RYR2: variants seen among roughly 807,000 people sequenced by gnomAD.
RYR2 encodes ryanodine receptor 2, also known as cardiac muscle ryanodine receptor-calcium release channel.
A neutral mutation model predicts 601.1 loss-of-function variants in RYR2; 227 were observed. The ratio of observed to expected loss-of-function variants is 0.38; its 90% CI spans 0.34 to 0.42. RYR2 has a LOEUF of 0.42. RYR2 is among the 10% of genes least tolerant of loss of function. The pLI, the probability that RYR2 is intolerant of heterozygous loss-of-function variation, is 1.00. For missense variants in RYR2, 4,646 were observed against 6,156.5 expected, an observed-to-expected ratio of 0.75 and a Z score of 8.21; for synonymous variants, 2,223 against 2,175.1, an observed-to-expected ratio of 1.02 and a Z score of -0.61.
chr1:237,233,475 A>T (rs1389747939), intron 1 of RYR2, among the ~76,000 whole-genome samples: 1 of 151,882 alleles, frequency 6.6e-6, no homozygotes, highest in East Asian at 1.9e-4. Flanking sequence ...TCTTGATCTT[A>T]TCCAGCAATT....
At chr1:237,762,998 C>T (rs943431010) in intron 84 of RYR2, among the ~76,000 whole-genome samples, 7 of 152,050 alleles carry the variant, frequency 4.6e-5, no homozygotes, top group African/African-American at 7.2e-5. Flanking sequence ...TGACAATTTC[C>T]GTGCATTCTT....
At chr1:237,069,716 C>G (rs1055906985) in intron 1 of RYR2, among the ~76,000 whole-genome samples, 1 of 152,084 alleles carries the variant, frequency 6.6e-6, no homozygotes, top group Non-Finnish European at 1.5e-5. Flanking sequence ...TGGTGTCAGG[C>G]AAGAGTTTAG....
intron 2 of RYR2, among the ~76,000 whole-genome samples, chr1:237,320,852 C>A (rs1695557463): frequency 6.6e-6 from 1 of 152,160 alleles, no homozygotes; most frequent in Non-Finnish European, 1.5e-5. Flanking sequence ...TGTGAGGCTA[C>A]CAGCTTCTAA....
intron 25 of RYR2, among the ~76,000 whole-genome samples, chr1:237,536,686 G>A (rs1668653668): frequency 7.9e-6 from 1 of 127,152 alleles, no homozygotes; most frequent in Non-Finnish European, 1.6e-5. Context: ...CTGCACTCCA[G>A]CCCGGACGAC....
chr1:237,600,343 A>G (rs763734078), intron 34 of RYR2, among the ~76,000 whole-genome samples: 2 of 152,236 alleles, frequency 1.3e-5, no homozygotes. Flanking sequence ...AAGAACACAC[A>G]TTGGGGAAAG....
intron 1 of RYR2, among the ~76,000 whole-genome samples, chr1:237,205,803 C>G (rs1681747848): frequency 1.3e-5 from 2 of 152,226 alleles, no homozygotes; most frequent in South Asian, 4.1e-4. Context: ...CCCCACTCTT[C>G]CTGCACTGGG....
intron 30 of RYR2, among the ~76,000 whole-genome samples, 166 bp downstream of exon 30, chr1:237,590,167 A>G (rs1423892985): frequency 6.6e-6 from 1 of 152,010 alleles, no homozygotes; most frequent in Non-Finnish European, 1.5e-5. Context: ...TCTACCAGCT[A>G]TCAGTGGATG....
At position 237,732,293 on chromosome 1, in the gene RYR2, G is replaced by C. The variant is rs115924789; in HGVS notation, c.11039+144G>C. 2.8e-3 allele frequency: 1,334 copies of C among 483,620 alleles called. 21 individuals are homozygous for C. Among genetic ancestry groups the C allele is most frequent in the African/African-American group, 0.024 (1,196 of 50,750 alleles). 30.0% of individuals were successfully genotyped at this position (483,620 alleles called of 1,614,324 possible). ...TTGTTCAAAGATAACAACCAGCCTG[G>C]CATGTACCTAGGGACCGACACTCAT... On this transcript the variant is annotated intron_variant, in intron 78 of 104. Transcript: ENST00000366574.
chr1:237,636,795 T>C (rs1680920604), intron 44 of RYR2, among the ~76,000 whole-genome samples: 1 of 152,244 alleles, frequency 6.6e-6, no homozygotes, highest in Admixed American at 6.5e-5. Context: ...CGACCATCAA[T>C]GTATTAGTTG....
chr1:237,183,039 G>T (rs960361695), intron 1 of RYR2, among the ~76,000 whole-genome samples: 2 of 152,112 alleles, frequency 1.3e-5, no homozygotes, highest in African/African-American at 4.8e-5. Context: ...TAGTTGGTTT[G>T]GTGATGAGTC....
intron 1 of RYR2, among the ~76,000 whole-genome samples, chr1:237,222,421 A>AG (rs1683920700): frequency 6.6e-6 from 1 of 152,002 alleles, no homozygotes; most frequent in African/African-American, 2.4e-5. Context: ...TCAAAAAAAA[A>AG]AAAAGGAAGC....
In RYR2 at chr1:237,055,271, T is replaced by C. The variant is rs564448419; in HGVS notation, c.48+12702T>C. ...CCCTGAGACCAGGGTCAGGGATTTGTTCTTAATTCATAAGGTAAAAGGGGC... is the reference window on the plus strand; with the variant it reads ...CCCTGAGACCAGGGTCAGGGATTTGCTCTTAATTCATAAGGTAAAAGGGGC... On this transcript the variant is annotated intron_variant, in intron 1 of 104. Coordinates refer to ENST00000366574, the MANE Select transcript of RYR2 (RefSeq NM_001035.3). Among the ~76,000 whole-genome samples the C allele has an allele frequency of 2.0e-5, 3 of 152,278 alleles. No homozygotes were observed. In the South Asian group the frequency reaches 6.2e-4, roughly 32 times the overall value.
chr1:237,659,503 A>G (rs1028402082), intron 54 of RYR2, among the ~76,000 whole-genome samples: 1 of 152,188 alleles, frequency 6.6e-6, no homozygotes. Flanking sequence ...GGCATTATTC[A>G]GAGAAGACGC....
At chr1:237,152,742 C>T (rs1051340463) in intron 1 of RYR2, among the ~76,000 whole-genome samples, 7 of 152,030 alleles carry the variant, frequency 4.6e-5, no homozygotes, top group South Asian at 4.1e-4. Flanking sequence ...AGGACATAGG[C>T]GTGGACAAAG....
At chr1:237,740,727 T>C (rs1170363088) in intron 79 of RYR2, among the ~76,000 whole-genome samples, 3 of 152,202 alleles carry the variant, frequency 2.0e-5, no homozygotes, top group African/African-American at 7.2e-5. Context: ...CTAATTTGCA[T>C]AGAGAGTAAG....
intron 10 of RYR2, among the ~76,000 whole-genome samples, chr1:237,408,232 G>A (rs1704098006): frequency 6.6e-6 from 1 of 151,880 alleles, no homozygotes; most frequent in Non-Finnish European, 1.5e-5. Flanking sequence ...CCTAAATTTA[G>A]TGGAAGGTGT....
intron 58 of RYR2, among the ~76,000 whole-genome samples, chr1:237,669,312 A>G (rs1173101159): frequency 3.9e-5 from 6 of 152,136 alleles, no homozygotes; most frequent in East Asian, 1.9e-4. Context: ...TGATTTCTCA[A>G]TCTTTTCCCC....
At chr1:237,786,143 G>GGAGCCA in intron 91 of RYR2, 107 bp downstream of exon 91, 1 of 724,516 alleles carries the variant, frequency 1.4e-6, no homozygotes, top group South Asian at 1.9e-5. Context: ...ATATTGTCAA[G>GGAGCCA]GAGCCACAGA....
chr1:237,463,695 T>C (rs1659735026), intron 16 of RYR2, among the ~76,000 whole-genome samples: 1 of 152,152 alleles, frequency 6.6e-6, no homozygotes, highest in African/African-American at 2.4e-5. Context: ...TAAAAGATCT[T>C]AACTTAGTCT....
Sources: gnomAD v4.1 joint callset for allele counts (sites outside exome capture counted in the v4.1 genomes callset) on GRCh38, gnomAD v4.1.1 for gene constraint, MANE v1.5 for transcripts, NCBI Gene and HGNC (gene_info 2026-07-23, HGNC 2026-07-21) for gene names.